GTF2I: variants seen among roughly 807,000 people sequenced by gnomAD.
GTF2I encodes general transcription factor II-I.
A neutral mutation model predicts 67.6 loss-of-function variants in GTF2I; 12 were observed. The observed-to-expected ratio is 0.18, with a 90% CI of 0.11 to 0.29. The LOEUF (loss-of-function observed/expected upper bound fraction) is 0.29, where lower values mean the gene tolerates loss of function less well. GTF2I is among the 10% of genes least tolerant of loss of function. GTF2I has a pLI of 1.00. For missense variants in GTF2I, 271 were observed against 580.1 expected (o/e 0.47, Z 5.47); for synonymous variants, 149 against 197.0 (o/e 0.76, Z 2.04).
At chr7:74,659,966 T>G (rs1294581003) in intron 1 of GTF2I, among the ~76,000 whole-genome samples, 1 of 152,150 alleles carries the variant, frequency 6.6e-6, no homozygotes, top group Non-Finnish European at 1.5e-5. Context: ...AACGTGCAGG[T>G]AGAGTGCCCT....
At chr7:74,679,672 A>G (rs1787043226) in intron 1 of GTF2I, among the ~76,000 whole-genome samples, 1 of 152,040 alleles carries the variant, frequency 6.6e-6, no homozygotes. Flanking sequence ...TCTAGACCTC[A>G]AGCGATCCTC....
At chr7:74,722,498 C>T (rs1236352723) in intron 12 of GTF2I, among the ~76,000 whole-genome samples, 8 of 152,240 alleles carry the variant, frequency 5.3e-5, no homozygotes, top group Admixed American at 6.5e-5. Flanking sequence ...TTCTTTCTTG[C>T]GCAGTTCTCT....
At chr7:74,698,193 G>T (rs1482802406) in intron 3 of GTF2I, among the ~76,000 whole-genome samples, 1 of 151,882 alleles carries the variant, frequency 6.6e-6, no homozygotes, top group Non-Finnish European at 1.5e-5. Context: ...CTGACCTCGT[G>T]ATCCACCCGC....
rs76958371 is a variant in GTF2I, at chr7:74,667,836, C to CTT, written c.-6+9783_-6+9784dup. Among the ~76,000 whole-genome samples the CTT allele has an allele frequency of 5.3e-3, 732 of 138,738 alleles. 7 individuals carry two copies. Among genetic ancestry groups the CTT allele is most frequent in the African/African-American group, 0.017 (650 of 37,818 alleles). 91.0% of individuals were successfully genotyped at this position (138,738 alleles called of 152,430 possible). A position where few individuals can be genotyped will look rare whatever the true frequency, so the allele number is the denominator to read the frequency against. The stretch of plus-strand genomic sequence containing the variant: ...CCCAGCCTGATTTTACCAAAAGAAA[C>CTT]TTTTTTTTTTTTTTTTGAGACAGAG... On this transcript the variant is annotated intron_variant, in intron 1 of 34. Transcript: ENST00000573035.
chr7:74,687,517 C>T (rs782357903), intron 1 of GTF2I: 37 of 981,994 alleles, frequency 3.8e-5, no homozygotes, highest in Non-Finnish European at 4.5e-5. Flanking sequence ...GCCACCACGC[C>T]CAGTGGATTA....
At chr7:74,710,521 G>C in intron 8 of GTF2I, among the ~76,000 whole-genome samples, 1 of 152,068 alleles carries the variant, frequency 6.6e-6, no homozygotes, top group East Asian at 1.9e-4. Context: ...CAAATCATCT[G>C]TCCTAATTGT....
At chr7:74,685,875 A>T (rs587597332) in intron 1 of GTF2I, among the ~76,000 whole-genome samples, 4 of 151,436 alleles carry the variant, frequency 2.6e-5, no homozygotes, top group Non-Finnish European at 4.4e-5. Flanking sequence ...AACATGGTGA[A>T]AACCCGTCTC....
At chr7:74,719,055 G>A (rs948203421) in intron 12 of GTF2I, 114 bp downstream of exon 12, 8 of 576,174 alleles carry the variant, frequency 1.4e-5, no homozygotes, top group African/African-American at 1.2e-4. Flanking sequence ...CTTGTGGGAC[G>A]AATACATGTG....
chr7:74,752,956 TGG>T, intron 28 of GTF2I, 136 bp from the exon 29 acceptor site: 1 of 615,450 alleles, frequency 1.6e-6, no homozygotes, highest in Non-Finnish European at 2.9e-6. Context: ...CTCGGCTACT[TGG>T]GAGGCTTAGG....
intron 3 of GTF2I, 71 bp from the exon 4 acceptor site, chr7:74,698,890 A>G: frequency 1.4e-6 from 1 of 729,870 alleles, no homozygotes; most frequent in Non-Finnish European, 1.9e-6. Flanking sequence ...TTTTACTAAA[A>G]ACCAAATATT....
chr7:74,731,830 C>A (rs1794512163), intron 14 of GTF2I, among the ~76,000 whole-genome samples: 1 of 151,110 alleles, frequency 6.6e-6, no homozygotes, highest in Non-Finnish European at 1.5e-5. Context: ...CAGGCGTGAG[C>A]CGCTGCGCCC....
intron 6 of GTF2I, among the ~76,000 whole-genome samples, chr7:74,701,922 A>G (rs587767961): frequency 6.6e-6 from 1 of 152,328 alleles, no homozygotes; most frequent in Non-Finnish European, 1.5e-5. Context: ...TGGAATATGT[A>G]GTATGTATCC....
intron 1 of GTF2I, among the ~76,000 whole-genome samples, chr7:74,672,636 A>G (rs1204394177): frequency 6.6e-6 from 1 of 152,126 alleles, no homozygotes; most frequent in Non-Finnish European, 1.5e-5. Context: ...GCCTATGGAG[A>G]TAAACTCTTA....
chr7:74,716,679 T>G, intron 10 of GTF2I: 1 of 482,478 alleles, frequency 2.1e-6, no homozygotes, highest in Middle Eastern at 5.8e-4. Flanking sequence ...TACTCTGTAT[T>G]TGTGTTTTCA....
At chr7:74,686,081 C>A (rs1429933211) in intron 1 of GTF2I, among the ~76,000 whole-genome samples, 4 of 152,124 alleles carry the variant, frequency 2.6e-5, no homozygotes. Flanking sequence ...TTGCAGGAAG[C>A]AACCAATCAG....
chr7:74,663,298 T>G (rs889329554), intron 1 of GTF2I, among the ~76,000 whole-genome samples: 1 of 152,204 alleles, frequency 6.6e-6, no homozygotes, highest in Non-Finnish European at 1.5e-5. Flanking sequence ...ATTTATTTAT[T>G]TTTTTGAGAT....
At chr7:74,697,976 G>C (rs1177985854) in intron 3 of GTF2I, among the ~76,000 whole-genome samples, 1 of 151,708 alleles carries the variant, frequency 6.6e-6, no homozygotes, top group Non-Finnish European at 1.5e-5. Flanking sequence ...GTTTGTTTGA[G>C]ACGGAGTCTC....
intron 12 of GTF2I, among the ~76,000 whole-genome samples, chr7:74,721,955 G>A (rs1793059443): frequency 6.6e-6 from 1 of 152,050 alleles, no homozygotes; most frequent in African/African-American, 2.4e-5. Context: ...CTCATGCTTG[G>A]TAGGAAGACG....
chr7:74,667,716 C>T (rs1224450173), intron 1 of GTF2I, among the ~76,000 whole-genome samples: 1 of 151,756 alleles, frequency 6.6e-6, no homozygotes, highest in Non-Finnish European at 1.5e-5. Context: ...GGGGGTCTCA[C>T]TATGTTGCCC....
Sources: gnomAD v4.1 joint callset for allele counts (sites outside exome capture counted in the v4.1 genomes callset) on GRCh38, gnomAD v4.1.1 for gene constraint, MANE v1.5 for transcripts, NCBI Gene and HGNC (gene_info 2026-07-23, HGNC 2026-07-21) for gene names.